Variants in LIMA1 observed in about 807,000 individuals in gnomAD.
The protein encoded by LIMA1 is LIM domain and actin-binding protein 1.
LIMA1 carries 52 observed loss-of-function variants against 62.6 expected under a neutral mutation model. The observed-to-expected ratio is 0.83, with a 90% CI of 0.67 to 1.05. The LOEUF is 1.05. Ranked by LOEUF, LIMA1 falls within the 50% of genes least tolerant of loss-of-function variation. LIMA1 has a pLI of 0.00. For synonymous variants in LIMA1, 302 were observed against 317.8 expected (o/e 0.95, Z 0.53); for missense variants, 780 against 902.2 (o/e 0.86, Z 1.74).
chr12:50,270,973 T>C (rs949405062), intron 1 of LIMA1, among the ~76,000 whole-genome samples: 1 of 152,052 alleles, frequency 6.6e-6, no homozygotes, highest in African/African-American at 2.4e-5. Context: ...GTGCCTATGG[T>C]CCCAATTACT....
At chr12:50,228,251 G>C (rs988835289) in intron 3 of LIMA1, among the ~76,000 whole-genome samples, 4 of 152,202 alleles carry the variant, frequency 2.6e-5, no homozygotes, top group Admixed American at 6.5e-5. Context: ...TTCTTCTTGT[G>C]TCTTCAGGAG....
chr12:50,249,712 G>A (rs1453291290), intron 1 of LIMA1: 1 of 152,126 alleles, frequency 6.6e-6, no homozygotes, highest in Non-Finnish European at 1.5e-5. Context: ...GATTAGAAAT[G>A]AGTCAACAGT....
At chr12:50,219,240 T>C (rs916164288) in intron 4 of LIMA1, among the ~76,000 whole-genome samples, 3 of 152,188 alleles carry the variant, frequency 2.0e-5, no homozygotes, top group African/African-American at 7.2e-5. Context: ...TCCCAGCTCT[T>C]TGGGAGGCTT....
chr12:50,178,144 G>A lies in LIMA1; in HGVS notation c.1275-75C>T, dbSNP rs1476508417. On this transcript the variant is annotated intron_variant, in intron 10 of 10. Coordinates refer to ENST00000341247, the MANE Select transcript of LIMA1 (RefSeq NM_016357.5). Reference sequence around the variant, plus strand: ...ACTTATACCAGGAGGCTAAAATCTGGCAATTCCAGTATTTTCAGAAGATGC... The same window carrying A: ...ACTTATACCAGGAGGCTAAAATCTGACAATTCCAGTATTTTCAGAAGATGC... 2.6e-6 allele frequency: 3 copies of A among 1,163,406 alleles called. No homozygotes were observed. In the Admixed American group the frequency reaches 8.8e-5, roughly 34 times the overall value. 72.1% of individuals were successfully genotyped at this position (1,163,406 alleles called of 1,614,324 possible).
At chr12:50,283,350 G>A (rs1942363272) in intron 1 of LIMA1, 70 bp downstream of exon 1, 1 of 152,478 alleles carries the variant, frequency 6.6e-6, no homozygotes, top group African/African-American at 2.4e-5. Context: ...AAAGTCGAAG[G>A]AGAAAGAGGG....
chr12:50,247,700 T>C (rs1291142878), intron 2 of LIMA1, among the ~76,000 whole-genome samples: 1 of 151,834 alleles, frequency 6.6e-6, no homozygotes, highest in African/African-American at 2.4e-5. Flanking sequence ...TTCAGCTTAC[T>C]GCAACCTCCG....
intron 4 of LIMA1, among the ~76,000 whole-genome samples, chr12:50,209,567 CAA>C (rs1203309856): frequency 1.3e-4 from 8 of 61,674 alleles, no homozygotes; most frequent in African/African-American, 2.2e-4. Flanking sequence ...GACTCCATCT[CAA>C]AAAAAAAAAA....
At chr12:50,200,632 C>A in intron 7 of LIMA1, 145 bp downstream of exon 7, 1 of 839,104 alleles carries the variant, frequency 1.2e-6, no homozygotes, top group South Asian at 1.5e-5. Context: ...AATTATGTGA[C>A]CTGCAAAAAT....
chr12:50,208,916 A>G (rs996501521), intron 4 of LIMA1, among the ~76,000 whole-genome samples: 1 of 151,996 alleles, frequency 6.6e-6, no homozygotes, highest in Non-Finnish European at 1.5e-5. Flanking sequence ...CCCTGCTCAA[A>G]AAGTAATAAT....
intron 2 of LIMA1, among the ~76,000 whole-genome samples, chr12:50,238,392 C>T (rs959086578): frequency 1.3e-5 from 2 of 150,666 alleles, no homozygotes; most frequent in African/African-American, 4.9e-5. Flanking sequence ...CTATAATCCC[C>T]GCTACTTGGG....
At chr12:50,253,494 G>T (rs1206309682) in intron 1 of LIMA1, among the ~76,000 whole-genome samples, 1 of 152,100 alleles carries the variant, frequency 6.6e-6, no homozygotes, top group East Asian at 1.9e-4. Context: ...AATTAATGAA[G>T]AATGATTAAA....
intron 2 of LIMA1, among the ~76,000 whole-genome samples, chr12:50,245,449 A>G (rs1264484269): frequency 6.6e-6 from 1 of 151,674 alleles, no homozygotes; most frequent in Non-Finnish European, 1.5e-5. Flanking sequence ...GAAAAAGAAA[A>G]GAAATTATGA....
At chr12:50,236,559 A>G (rs1941697113) in intron 2 of LIMA1, among the ~76,000 whole-genome samples, 1 of 152,074 alleles carries the variant, frequency 6.6e-6, no homozygotes, top group Non-Finnish European at 1.5e-5. Context: ...TCAGCCTCCC[A>G]AAGTGCTGGG....
chr12:50,223,612 C>T (rs1941483758), intron 3 of LIMA1, among the ~76,000 whole-genome samples: 1 of 152,148 alleles, frequency 6.6e-6, no homozygotes, highest in Admixed American at 6.5e-5. Flanking sequence ...AAAGGACACA[C>T]ATTTACATAT....
At chr12:50,227,856 CT>C (rs1365858204) in intron 3 of LIMA1, among the ~76,000 whole-genome samples, 179 of 139,540 alleles carry the variant, frequency 1.3e-3, no homozygotes, top group South Asian at 2.5e-3. Flanking sequence ...TTTTTTTTTT[CT>C]TTTTTTTTTT....
chr12:50,249,494 C>T (rs1387444408), intron 1 of LIMA1, among the ~76,000 whole-genome samples: 1 of 152,100 alleles, frequency 6.6e-6, no homozygotes, highest in Non-Finnish European at 1.5e-5. Flanking sequence ...TTATAATTCT[C>T]ATTTTAAAGC....
intron 7 of LIMA1, among the ~76,000 whole-genome samples, chr12:50,198,447 G>A (rs536016117): frequency 6.6e-6 from 1 of 152,296 alleles, no homozygotes; most frequent in East Asian, 1.9e-4. Context: ...CCAGCCACTT[G>A]GGAGGCTGAG....
At chr12:50,205,140 C>T (rs1239787377) in intron 5 of LIMA1, among the ~76,000 whole-genome samples, 1 of 152,012 alleles carries the variant, frequency 6.6e-6, no homozygotes, top group Non-Finnish European at 1.5e-5. Flanking sequence ...GGCAGTGGTA[C>T]AATCATAGCT....
intron 3 of LIMA1, chr12:50,222,842 C>T: frequency 2.5e-6 from 1 of 397,688 alleles, no homozygotes; most frequent in South Asian, 3.3e-5. Context: ...AAGCAAAATA[C>T]AAGTGCTTGA....
Sources: gnomAD v4.1 joint callset for allele counts (sites outside exome capture counted in the v4.1 genomes callset) on GRCh38, gnomAD v4.1.1 for gene constraint, MANE v1.5 for transcripts, NCBI Gene and HGNC (gene_info 2026-07-23, HGNC 2026-07-21) for gene names.